PDE3B: variants seen among roughly 807,000 people sequenced by gnomAD.
PDE3B encodes phosphodiesterase 3B.
A neutral mutation model predicts 116.8 loss-of-function variants in PDE3B; 66 were observed. The observed-to-expected ratio is 0.56, with a 90% CI of 0.46 to 0.69. The LOEUF (loss-of-function observed/expected upper bound fraction) is 0.69, where lower values mean the gene tolerates loss of function less well. PDE3B is among the 30% of genes least tolerant of loss of function. The pLI, the probability that PDE3B is intolerant of heterozygous loss-of-function variation, is 0.00. For missense variants in PDE3B, 1,384 were observed against 1,368.1 expected, an observed-to-expected ratio of 1.01 and a Z score of -0.18; for synonymous variants, 595 against 533.6, an observed-to-expected ratio of 1.12 and a Z score of -1.59.
intron 1 of PDE3B, among the ~76,000 whole-genome samples, chr11:14,739,540 A>G (rs930377620): frequency 1.3e-5 from 2 of 152,182 alleles, no homozygotes; most frequent in African/African-American, 4.8e-5. Flanking sequence ...GAATCATGTC[A>G]TCTACAAACA....
chr11:14,755,096 A>T (rs1857149764), intron 1 of PDE3B, among the ~76,000 whole-genome samples: 1 of 152,204 alleles, frequency 6.6e-6, no homozygotes, highest in African/African-American at 2.4e-5. Context: ...AGTTACAAGG[A>T]ATAACAGTTT....
At chr11:14,768,932 T>C (rs568803690) in intron 1 of PDE3B, among the ~76,000 whole-genome samples, 1 of 151,702 alleles carries the variant, frequency 6.6e-6, no homozygotes, top group Non-Finnish European at 1.5e-5. Flanking sequence ...AGAAAATTGT[T>C]TTCTCAAAAT....
chr11:14,647,255 A>G (rs1006594835), intron 1 of PDE3B, among the ~76,000 whole-genome samples: 13 of 152,062 alleles, frequency 8.5e-5, no homozygotes, highest in African/African-American at 2.9e-4. Flanking sequence ...AAAAGATTTT[A>G]GATGGGACCT....
At chr11:14,700,571 A>G (rs1016467825) in intron 1 of PDE3B, 2 of 151,802 alleles carry the variant, frequency 1.3e-5, no homozygotes, top group Admixed American at 6.6e-5. Flanking sequence ...TTATTTTTCA[A>G]AACATTTGCT....
At chr11:14,882,495 G>A in the PDE3B span, among the ~76,000 whole-genome samples, 1 of 152,024 alleles carries the variant, frequency 6.6e-6, no homozygotes, top group Non-Finnish European at 1.5e-5. Context: ...AGGTACAGAG[G>A]AGCACTGTTT....
Position 14,644,994 on chromosome 11 carries a change from T to A in PDE3B, c.919T>A (p.Tyr307Asn). 6.2e-7 allele frequency: 1 copy of A among 1,613,716 alleles called. No homozygotes were observed. The highest frequency in any genetic ancestry group is 1.1e-5 in the South Asian group (1 of 91,082). ...GTCGTTAGGAGAAACTGCAGCCAGTTACTATGGCAGTTGCAAAATATTCAG... is the reference window on the plus strand; with the variant it reads ...GTCGTTAGGAGAAACTGCAGCCAGTAACTATGGCAGTTGCAAAATATTCAG... ...CVSLGETAAS[Y>N]YGSCKIFRRP... The change falls in exon 1 of 16, where the codon TAC (tyrosine) becomes AAC (asparagine). Residue 307 changes from tyrosine (Y) to asparagine (N), a missense_variant. By Grantham distance (143) the Tyr-to-Asn change is moderately radical (BLOSUM62 -2). Transcript: ENST00000282096.
chr11:14,776,425 C>T (rs1225556288), intron 2 of PDE3B: 2 of 152,246 alleles, frequency 1.3e-5, no homozygotes, highest in African/African-American at 2.4e-5. Context: ...ACTCCTTTCT[C>T]TCCCCTAAAG....
At chr11:14,779,016 C>T (rs375326629) in intron 2 of PDE3B, among the ~76,000 whole-genome samples, 1 of 151,992 alleles carries the variant, frequency 6.6e-6, no homozygotes, top group East Asian at 1.9e-4. Context: ...ATGAGAACTG[C>T]GTGACACATG....
intron 2 of PDE3B, among the ~76,000 whole-genome samples, chr11:14,778,796 G>A (rs1857874478): frequency 1.3e-5 from 2 of 152,206 alleles, no homozygotes; most frequent in East Asian, 3.8e-4. Flanking sequence ...CGCCAGCAAT[G>A]GAACAAAGCT....
the PDE3B span, among the ~76,000 whole-genome samples, chr11:14,894,757 A>C: frequency 1.3e-5 from 2 of 152,170 alleles, 1 homozygote; most frequent in African/African-American, 4.8e-5. Flanking sequence ...GTAACAGTTT[A>C]TCATGTTCCC....
intron 1 of PDE3B, among the ~76,000 whole-genome samples, chr11:14,688,385 C>T (rs1243292813): frequency 1.3e-5 from 2 of 152,092 alleles, no homozygotes; most frequent in African/African-American, 4.8e-5. Context: ...AATAGACATA[C>T]GTCAGTATCT....
At chr11:14,819,302 T>TAAAG in intron 7 of PDE3B, 93 bp downstream of exon 7, 1 of 723,462 alleles carries the variant, frequency 1.4e-6, no homozygotes, top group Non-Finnish European at 2.4e-6. Context: ...AACTTCAGTT[T>TAAAG]ATCCATCTTT....
At chr11:14,858,909 G>T in intron 12 of PDE3B, 134 bp from the exon 13 acceptor site, 1 of 579,756 alleles carries the variant, frequency 1.7e-6, no homozygotes, top group East Asian at 2.9e-5. Context: ...TATTTTCACA[G>T]GTACTAAAAT....
At chr11:14,829,875 T>C (rs1859816420) in intron 7 of PDE3B, among the ~76,000 whole-genome samples, 1 of 152,040 alleles carries the variant, frequency 6.6e-6, no homozygotes, top group Non-Finnish European at 1.5e-5. Context: ...AAACAAAATA[T>C]TACCCACACC....
chr11:14,678,078 A>G (rs1432983149), intron 1 of PDE3B, among the ~76,000 whole-genome samples: 1 of 151,982 alleles, frequency 6.6e-6, no homozygotes, highest in Non-Finnish European at 1.5e-5. Context: ...ACAGGCATGC[A>G]CCACCACGCC....
chr11:14,747,382 T>C (rs1005365488), intron 1 of PDE3B, among the ~76,000 whole-genome samples: 1 of 152,170 alleles, frequency 6.6e-6, no homozygotes, highest in Non-Finnish European at 1.5e-5. Flanking sequence ...CACTTTTGAC[T>C]AGACTTACAC....
At chr11:14,884,430 G>T in the PDE3B span, among the ~76,000 whole-genome samples, 3 of 149,844 alleles carry the variant, frequency 2.0e-5, no homozygotes. Context: ...ACTATCGCAA[G>T]AACAAAAAAC....
At chr11:14,791,857 C>T (rs549716488) in intron 4 of PDE3B, among the ~76,000 whole-genome samples, 12 of 152,218 alleles carry the variant, frequency 7.9e-5, no homozygotes, top group African/African-American at 2.6e-4. Context: ...CATATTCTCT[C>T]TACACATCCT....
intron 2 of PDE3B, among the ~76,000 whole-genome samples, chr11:14,779,104 G>A (rs554130013): frequency 1.7e-4 from 26 of 152,206 alleles, no homozygotes; most frequent in Non-Finnish European, 3.1e-4. Context: ...GAAATGAAGC[G>A]AGAAGAGAAA....
Sources: gnomAD v4.1 joint callset for allele counts (sites outside exome capture counted in the v4.1 genomes callset) on GRCh38, gnomAD v4.1.1 for gene constraint, MANE v1.5 for transcripts, NCBI Gene and HGNC (gene_info 2026-07-23, HGNC 2026-07-21) for gene names.